Variants in LAMA3 observed in about 807,000 individuals in gnomAD.
LAMA3 encodes laminin subunit alpha 3.
Under a neutral mutation model 402.0 loss-of-function variants are expected in LAMA3, and 281 were observed. The observed-to-expected ratio is 0.70, with a 90% confidence interval of 0.63 to 0.77. The LOEUF is 0.77. Ranked by LOEUF, LAMA3 falls within the 30% of genes least tolerant of loss-of-function variation. The pLI, the probability that LAMA3 is intolerant of heterozygous loss-of-function variation, is 0.00. For missense variants in LAMA3, 3,840 were observed against 4,215.5 expected (o/e 0.91, Z 2.47); for synonymous variants, 1,431 against 1,558.4 (o/e 0.92, Z 1.93).
Position 23,949,913 on chromosome 18 carries a change from A to C in LAMA3, c.9500A>C (p.His3167Pro), listed in dbSNP as rs1194284514. The C allele has an allele frequency of 1.8e-5, 29 of 1,613,966 alleles. No homozygotes were observed. The highest frequency in any genetic ancestry group is 2.3e-5 in the Non-Finnish European group (27 of 1,180,038). Reference sequence around the variant, plus strand: ...ATTTATTTCTCTGAAGAAGGAGGTCATGTCGTCTTGGGTAAGGAGCAGTTC... The same window carrying C: ...ATTTATTTCTCTGAAGAAGGAGGTCCTGTCGTCTTGGGTAAGGAGCAGTTC... ...KGIYFSEEGGHVVLAHSVLLG... is the reference protein window; with the variant it reads ...KGIYFSEEGGPVVLAHSVLLG... The change falls in exon 71 of 75, where the codon CAT becomes CCT. Residue 3167 changes from histidine (H) to proline (P), a missense_variant. Coordinates refer to ENST00000313654, the MANE Select transcript of LAMA3 (RefSeq NM_198129.4).
At chr18:23,721,409 G>C (rs1205365014) in intron 2 of LAMA3, among the ~76,000 whole-genome samples, 1 of 152,152 alleles carries the variant, frequency 6.6e-6, no homozygotes, top group African/African-American at 2.4e-5. Context: ...TTGCCCCGTG[G>C]GTCATCTTTA....
intron 16 of LAMA3, 24 bp downstream of exon 16, chr18:23,815,264 T>C: frequency 1.2e-6 from 2 of 1,610,326 alleles, no homozygotes; most frequent in South Asian, 2.2e-5. Context: ...AGTTTTCATG[T>C]GACAACAGCA....
At chr18:23,725,740 C>T (rs1348204797) in intron 2 of LAMA3, among the ~76,000 whole-genome samples, 3 of 152,246 alleles carry the variant, frequency 2.0e-5, no homozygotes, top group African/African-American at 7.2e-5. Context: ...GCAGCTTCTG[C>T]TGCTCTTCCT....
chr18:23,846,604 C>A, intron 31 of LAMA3, 96 bp downstream of exon 31: 1 of 1,118,992 alleles, frequency 8.9e-7, no homozygotes, highest in Non-Finnish European at 1.3e-6. Flanking sequence ...GTGCTAGAGA[C>A]TCACCTGGAG....
chr18:23,761,183 A>C (rs2061960599), intron 7 of LAMA3, among the ~76,000 whole-genome samples: 1 of 152,076 alleles, frequency 6.6e-6, no homozygotes, highest in Non-Finnish European at 1.5e-5. Context: ...AAATGCTTTG[A>C]CATCATTTTT....
At chr18:23,925,009 G>C (rs1198418445) in intron 62 of LAMA3, among the ~76,000 whole-genome samples, 1 of 152,212 alleles carries the variant, frequency 6.6e-6, no homozygotes, top group Non-Finnish European at 1.5e-5. Flanking sequence ...TGGTGGCCCA[G>C]AGATTCCTGA....
chr18:23,926,548 T>C (rs1195219582), intron 62 of LAMA3, among the ~76,000 whole-genome samples: 1 of 152,256 alleles, frequency 6.6e-6, no homozygotes, highest in Non-Finnish European at 1.5e-5. Flanking sequence ...AATTTAATTT[T>C]AGGTCTATTA....
chr18:23,869,270 G>A (rs188772593), intron 37 of LAMA3, among the ~76,000 whole-genome samples: 74 of 152,318 alleles, frequency 4.9e-4, no homozygotes, highest in African/African-American at 1.7e-3. Context: ...GAGAAGAGGA[G>A]GGAATGATAC....
chr18:23,893,580 C>A (rs1054651554), intron 42 of LAMA3, among the ~76,000 whole-genome samples: 1 of 151,960 alleles, frequency 6.6e-6, no homozygotes, highest in Non-Finnish European at 1.5e-5. Flanking sequence ...GAGACTCCCC[C>A]CTCCCCACCG....
chr18:23,713,130 AG>A (rs2145907356), intron 1 of LAMA3, among the ~76,000 whole-genome samples: 1 of 152,326 alleles, frequency 6.6e-6, no homozygotes, highest in East Asian at 1.9e-4. Context: ...TTATCACCAC[AG>A]GTAAAAATGG....
At chr18:23,790,040 C>G (rs2062620276) in intron 12 of LAMA3, among the ~76,000 whole-genome samples, 1 of 152,204 alleles carries the variant, frequency 6.6e-6, no homozygotes, top group African/African-American at 2.4e-5. Context: ...ACTTATTTTA[C>G]AGCAACCATT....
chr18:23,728,773 G>A (rs1034157029), intron 2 of LAMA3, among the ~76,000 whole-genome samples: 2 of 152,116 alleles, frequency 1.3e-5, no homozygotes, highest in Non-Finnish European at 2.9e-5. Context: ...GCTCACTCCT[G>A]TAATCCCAGC....
At chr18:23,783,273 A>G (rs2062472773) in intron 11 of LAMA3, among the ~76,000 whole-genome samples, 2 of 152,200 alleles carry the variant, frequency 1.3e-5, no homozygotes, top group African/African-American at 4.8e-5. Flanking sequence ...CTAGTGGTCA[A>G]AGCAAGTCAC....
At chr18:23,791,227 C>A (rs898630156) in intron 12 of LAMA3, among the ~76,000 whole-genome samples, 1 of 152,100 alleles carries the variant, frequency 6.6e-6, no homozygotes, top group Non-Finnish European at 1.5e-5. Flanking sequence ...TTCCTTAAAC[C>A]CTGCAAAGAG....
In LAMA3 at chr18:23,858,728, G is replaced by A. The variant is rs758541323; in HGVS notation, c.4321G>A (p.Gly1441Ser). The change falls in exon 34 of 75, where the codon GGC (glycine) becomes AGC (serine). Residue 1441 changes from glycine (G) to serine (S), a missense_variant. Coordinates refer to ENST00000313654, the MANE Select transcript of LAMA3 (RefSeq NM_198129.4). ...CACAGAGTGTAATGTGTGTCGAGAAGGCTCATTCCATTTGGACCCAGCCAA... is the reference window on the plus strand; with the variant it reads ...CACAGAGTGTAATGTGTGTCGAGAAAGCTCATTCCATTTGGACCCAGCCAA... ...EGTECNVCRE[G>S]SFHLDPANLK... 6.2e-7 allele frequency: 1 copy of A among 1,614,132 alleles called. No individual in the cohort carries two copies. The highest frequency in any genetic ancestry group is 1.1e-5 in the South Asian group (1 of 91,084).
At chr18:23,860,693 A>ATTTT (rs11395191) in intron 34 of LAMA3, among the ~76,000 whole-genome samples, 1 of 136,690 alleles carries the variant, frequency 7.3e-6, no homozygotes, top group African/African-American at 2.8e-5. Context: ...TCAAAAAAAG[A>ATTTT]TTTTTTTTTT....
chr18:23,773,567 A>G lies in LAMA3; in HGVS notation c.1253A>G (p.Asp418Gly). The part of the protein sequence containing the change: ...GYYRPYGVPV[D>G]APDGCIPCSC... ...TACCGCCCTTATGGGGTTCCAGTGGATGCCCCTGATGGCTGCATCCGTAAG... is the reference window on the plus strand; with the variant it reads ...TACCGCCCTTATGGGGTTCCAGTGGGTGCCCCTGATGGCTGCATCCGTAAG... The change falls in exon 9 of 75, where the codon GAT (aspartate) becomes GGT (glycine). Residue 418 changes from aspartate (D) to glycine (G), a missense_variant. By Grantham distance (94) the Asp-to-Gly change is moderately conservative. Coordinates refer to ENST00000313654, the MANE Select transcript of LAMA3 (RefSeq NM_198129.4). The G allele has an allele frequency of 6.3e-7, 1 of 1,589,234 alleles. No individual in the cohort carries two copies. Among genetic ancestry groups the G allele is most frequent in the African/African-American group, 1.3e-5 (1 of 74,604 alleles).
chr18:23,718,650 G>A (rs990731301), intron 2 of LAMA3, among the ~76,000 whole-genome samples: 1 of 152,174 alleles, frequency 6.6e-6, no homozygotes, highest in Admixed American at 6.5e-5. Context: ...GACAGCAGAT[G>A]TGGCTGCAGG....
chr18:23,797,080 T>C (rs1568194028), intron 12 of LAMA3, among the ~76,000 whole-genome samples: 2 of 152,138 alleles, frequency 1.3e-5, no homozygotes, highest in African/African-American at 2.4e-5. Context: ...CATCCAGCCT[T>C]GGAGAAGCCT....
Sources: allele counts gnomAD v4.1 joint callset (sites outside exome capture counted in the v4.1 genomes callset), GRCh38; gene constraint gnomAD v4.1.1; transcripts MANE v1.5; gene names NCBI Gene and HGNC (gene_info 2026-07-23, HGNC 2026-07-21).